The following BLMH variants were observed in gnomAD, a reference collection of about 807,000 sequenced individuals.
BLMH encodes bleomycin hydrolase.
A neutral mutation model predicts 61.6 loss-of-function variants in BLMH; 32 were observed. That is an observed-to-expected ratio of 0.52 (90% CI 0.39 to 0.70). BLMH has a LOEUF of 0.70. BLMH is among the 30% of genes least tolerant of loss of function. The pLI, the probability that BLMH is intolerant of heterozygous loss-of-function variation, is 0.00. For synonymous variants in BLMH, 183 were observed against 193.8 expected (o/e 0.94, Z 0.46); for missense variants, 460 against 555.5 (o/e 0.83, Z 1.73).
chr17:30,274,571 T>C (rs1394882215), intron 6 of BLMH, among the ~76,000 whole-genome samples: 1 of 152,228 alleles, frequency 6.6e-6, no homozygotes, highest in Non-Finnish European at 1.5e-5. Context: ...ATTTTATAAA[T>C]GGATTTCCTT....
chr17:30,282,997 T>G (rs1464809897), intron 6 of BLMH, among the ~76,000 whole-genome samples: 2 of 152,110 alleles, frequency 1.3e-5, no homozygotes, highest in Non-Finnish European at 2.9e-5. Context: ...AGACTGAATC[T>G]CTACACAATT....
chr17:30,291,589 T>C (rs748957226), intron 1 of BLMH, 81 bp from the exon 2 acceptor site: 1 of 1,550,214 alleles, frequency 6.5e-7, no homozygotes, highest in Non-Finnish European at 8.8e-7. Flanking sequence ...CGAATCTAAC[T>C]TCGTAAGCGC....
At chr17:30,283,322 A>G (rs1183245470) in intron 6 of BLMH, among the ~76,000 whole-genome samples, 1 of 152,200 alleles carries the variant, frequency 6.6e-6, no homozygotes, top group Non-Finnish European at 1.5e-5. Flanking sequence ...TATGTGAAAC[A>G]TATCTGCCCT....
chr17:30,286,109 T>C (rs1167086167), intron 5 of BLMH, among the ~76,000 whole-genome samples: 1 of 152,180 alleles, frequency 6.6e-6, no homozygotes. Context: ...ACTTCTAATG[T>C]TGGGGAGACA....
At chr17:30,274,948 C>T (rs1357389105) in intron 6 of BLMH, among the ~76,000 whole-genome samples, 1 of 151,740 alleles carries the variant, frequency 6.6e-6, no homozygotes, top group African/African-American at 2.4e-5. Flanking sequence ...CACTACACTC[C>T]AGCCTGGGTG....
chr17:30,286,523 TGTG>T, intron 5 of BLMH, among the ~76,000 whole-genome samples: 1 of 152,240 alleles, frequency 6.6e-6, no homozygotes, highest in African/African-American at 2.4e-5. Context: ...CACCGCACCC[TGTG>T]TGCTTGTGGC....
chr17:30,289,085 G>A (rs1302889674), intron 3 of BLMH, among the ~76,000 whole-genome samples: 1 of 152,120 alleles, frequency 6.6e-6, no homozygotes, highest in Non-Finnish European at 1.5e-5. Flanking sequence ...GTTAAAAAGG[G>A]AGATATATTG....
In BLMH at chr17:30,266,866, A is replaced by G. The variant is rs1434009048; in HGVS notation, c.1216+19T>C. ...GCAGGCCCAGTCACCTGGAGTTAGT[A>G]TTACCAAACTGAGCTCACCTTTGTG... On this transcript the variant is annotated intron_variant, in intron 11 of 11. Coordinates refer to ENST00000261714, the MANE Select transcript of BLMH (RefSeq NM_000386.4). 6.2e-7 allele frequency: 1 copy of G among 1,611,324 alleles called. No homozygotes were observed. The highest frequency in any genetic ancestry group is 1.1e-5 in the South Asian group (1 of 91,036).
At chr17:30,275,817 G>T (rs890331791) in intron 6 of BLMH, among the ~76,000 whole-genome samples, 1 of 152,202 alleles carries the variant, frequency 6.6e-6, no homozygotes, top group African/African-American at 2.4e-5. Context: ...TGATCTGCCT[G>T]TCCCTTTTGC....
At chr17:30,272,453 T>A (rs959928823) in intron 9 of BLMH, 108 bp downstream of exon 9, 1 of 1,274,032 alleles carries the variant, frequency 7.8e-7, no homozygotes, top group Admixed American at 1.7e-5. Context: ...CGCCCTTAGG[T>A]CAACCTTCAT....
Position 30,272,590 on chromosome 17 carries a change from A to G in BLMH, c.999T>C (p.Asn333=), listed in dbSNP as rs147322544. The G allele has an allele frequency of 4.3e-6, 7 of 1,614,092 alleles. No individual in the cohort carries two copies. The highest frequency in any genetic ancestry group is 1.7e-5 in the Admixed American group (1 of 60,000). ...TCATGTCACTGAGGCCCAGCTTGCT[A>G]TTGAAGTGTTTTCCAACATCACAGC... ...WFGCDVGKHF[N]SKLGLSDMNL... The change falls in exon 9 of 12, where the codon AAT becomes AAC. Residue 333 remains asparagine, a synonymous_variant. Coordinates refer to ENST00000261714, the MANE Select transcript of BLMH (RefSeq NM_000386.4).
At position 30,249,081 on chromosome 17, in the gene BLMH, G is replaced by A; in HGVS notation, c.1304C>T (p.Ala435Val). 1 of 1,614,096 alleles carries A rather than the reference G, an allele frequency of 6.2e-7. No individual in the cohort carries two copies. Residue 435 changes from alanine to valine, a missense_variant, in exon 12 of 12, where the codon GCT becomes GTT. Physicochemically the swap from Ala to Val is moderately conservative, Grantham distance 64. Coordinates refer to ENST00000261714, the MANE Select transcript of BLMH (RefSeq NM_000386.4). ...GATAATGGGTTCCTGCTCTAACACA[G>A]CTAGCACCTCTTCAGGGACATGCTT... ...DRKHVPEEVL[A>V]VLEQEPIILP...
At chr17:30,275,850 C>T (rs78563780) in intron 6 of BLMH, among the ~76,000 whole-genome samples, 3,809 of 152,216 alleles carry the variant, frequency 0.025, 143 homozygotes, top group African/African-American at 0.087. Context: ...CACCCTGATC[C>T]AATCATCTAT....
intron 5 of BLMH, 158 bp from the exon 6 acceptor site, chr17:30,285,638 A>C: frequency 2.0e-6 from 1 of 496,204 alleles, no homozygotes; most frequent in Non-Finnish European, 3.5e-6. Context: ...TTGTCCACTT[A>C]AACACATAGC....
chr17:30,271,184 T>C (rs1908258387), intron 10 of BLMH, 87 bp downstream of exon 10: 2 of 1,021,458 alleles, frequency 2.0e-6, no homozygotes, highest in Non-Finnish European at 3.1e-6. Flanking sequence ...ATATACACTA[T>C]GAATGAAGCT....
chr17:30,291,605 G>A, intron 1 of BLMH, 97 bp from the exon 2 acceptor site: 1 of 1,494,934 alleles, frequency 6.7e-7, no homozygotes, highest in South Asian at 1.2e-5. Flanking sequence ...AGCGCATCCT[G>A]GGGTGCCCGC....
intron 11 of BLMH, among the ~76,000 whole-genome samples, chr17:30,261,329 T>A (rs1489823111): frequency 1.3e-5 from 2 of 152,204 alleles, no homozygotes; most frequent in African/African-American, 4.8e-5. Context: ...CATGTTCACA[T>A]CCTGAGTTAC....
intron 6 of BLMH, among the ~76,000 whole-genome samples, chr17:30,280,007 G>C (rs1214114145): frequency 6.6e-6 from 1 of 152,140 alleles, no homozygotes; most frequent in African/African-American, 2.4e-5. Flanking sequence ...CAGACATCAA[G>C]TGAGAGGAAG....
At chr17:30,290,494 T>C (rs1366209041) in intron 2 of BLMH, among the ~76,000 whole-genome samples, 2 of 152,218 alleles carry the variant, frequency 1.3e-5, no homozygotes, top group African/African-American at 4.8e-5. Context: ...TTTATTCAGG[T>C]ATAATGTACA....
Sources: allele counts gnomAD v4.1 joint callset (sites outside exome capture counted in the v4.1 genomes callset), GRCh38; gene constraint gnomAD v4.1.1; transcripts MANE v1.5; gene names NCBI Gene and HGNC (gene_info 2026-07-23, HGNC 2026-07-21).